DNAJB1: variants seen among roughly 807,000 people sequenced by gnomAD.
DNAJB1 encodes the protein dnaJ homolog subfamily B member 1.
In DNAJB1, 14 loss-of-function variants were observed where a neutral mutation model predicts 24.0. That is an observed-to-expected ratio of 0.58 (90% CI 0.39 to 0.91). DNAJB1 has a LOEUF of 0.91. DNAJB1 is among the 40% of genes least tolerant of loss of function. The pLI is 0.00. For synonymous variants in DNAJB1, 262 were observed against 174.4 expected (o/e 1.50, Z -3.96); for missense variants, 517 against 458.1 (o/e 1.13, Z -1.17).
At chr19:14,540,791 G>C (rs982003013) in intron 1 of DNAJB1, among the ~76,000 whole-genome samples, 2 of 152,174 alleles carry the variant, frequency 1.3e-5, no homozygotes, top group Non-Finnish European at 2.9e-5. Context: ...GGCCTCCCAA[G>C]TAGCTGGGAC....
chr19:14,539,967 C>T (rs1348993509), intron 1 of DNAJB1, among the ~76,000 whole-genome samples: 1 of 151,966 alleles, frequency 6.6e-6, no homozygotes, highest in Non-Finnish European at 1.5e-5. Context: ...GCAACCTCCA[C>T]CTCCCGGGTT....
At chr19:14,531,139 A>T (rs1266248648), upstream of DNAJB1, 2 of 151,874 alleles carry the variant, frequency 1.3e-5, no homozygotes, top group East Asian at 3.9e-4. Context: ...GGTTTAAGCG[A>T]TTCTCCTGCC....
chr19:14,529,791 T>C, upstream of DNAJB1: 1 of 1,596,962 alleles, frequency 6.3e-7, no homozygotes, highest in Non-Finnish European at 8.6e-7. Flanking sequence ...GGGACCCCAC[T>C]TTCTGGTCCT....
Position 14,515,885 on chromosome 19 carries a change from A to G in DNAJB1, c.*55T>C, listed in dbSNP as rs1453122587. The G allele has an allele frequency of 4.5e-6, 7 of 1,561,134 alleles. No individual in the cohort carries two copies. In the Middle Eastern group the frequency reaches 1.1e-3, roughly 256 times the overall value. The stretch of plus-strand genomic sequence containing the variant: ...TGGTCCACAACTGGTAGAAAGGTCC[A>G]GAAATCCTTGAGCTCTGGAAAGGTC... On this transcript the variant is annotated 3_prime_UTR_variant, in exon 3 of 3. Coordinates refer to ENST00000254322, the MANE Select transcript of DNAJB1 (RefSeq NM_006145.3).
chr19:14,554,394 GCCCGGGTCTGC>G (rs1166046157), upstream of DNAJB1, among the ~76,000 whole-genome samples: 5 of 152,292 alleles, frequency 3.3e-5, no homozygotes, highest in East Asian at 7.7e-4. Context: ...TCCCGCTCTG[GCCCGGGTCTGC>G]CCCTCTTCTG....
intron 1 of DNAJB1, among the ~76,000 whole-genome samples, chr19:14,545,430 C>G (rs2073271645): frequency 6.6e-6 from 1 of 152,230 alleles, no homozygotes; most frequent in Non-Finnish European, 1.5e-5. Context: ...CTCCTCTCCA[C>G]AGCTCCTGGT....
In DNAJB1 at chr19:14,514,797, T is replaced by C. The variant is rs1168357482; in HGVS notation, c.*1143A>G. On this transcript the variant is annotated 3_prime_UTR_variant, in exon 3 of 3. Transcript: ENST00000254322. Reference sequence around the variant, plus strand: ...GGTTTAGCATCAGTCTTTAATGCTGTCGCACTTCATTGACTAGTCACACAC... The same window carrying C: ...GGTTTAGCATCAGTCTTTAATGCTGCCGCACTTCATTGACTAGTCACACAC... The C allele has an allele frequency of 6.5e-6, 1 of 152,708 alleles. No individual in the cohort carries two copies. The highest frequency in any genetic ancestry group is 1.5e-5 in the Non-Finnish European group (1 of 68,058). The allele number at this position is 152,708 out of a possible 1,614,324, so 9.5% of individuals were successfully genotyped here. A position where few individuals can be genotyped will look rare whatever the true frequency, so the allele number is the denominator to read the frequency against.
chr19:14,528,966 A>T (rs759240993), intron 1 of DNAJB1, among the ~76,000 whole-genome samples: 2 of 152,142 alleles, frequency 1.3e-5, no homozygotes, highest in Non-Finnish European at 2.9e-5. Flanking sequence ...AGAAAAACAA[A>T]GTGGGGCGGG....
At chr19:14,553,530 G>A (rs773365860), upstream of DNAJB1, among the ~76,000 whole-genome samples, 14 of 152,156 alleles carry the variant, frequency 9.2e-5, no homozygotes, top group Non-Finnish European at 2.1e-4. Context: ...ATTTCTGGCC[G>A]AGCAGGTGTG....
chr19:14,518,353 C>A lies in DNAJB1; in HGVS notation c.-4G>T, dbSNP rs760608773. The A allele has an allele frequency of 2.1e-5, 32 of 1,556,364 alleles. 1 individual carries two copies. The highest frequency in any genetic ancestry group is 2.8e-5 in the African/African-American group (2 of 72,470). Reference sequence around the variant, plus strand: ...TCTGGTAGTAGTCTTTACCCATGACCCCCTCCTGCGGCCCGCCGACCCGCT... The same window carrying A: ...TCTGGTAGTAGTCTTTACCCATGACACCCTCCTGCGGCCCGCCGACCCGCT... On this transcript the variant is annotated 5_prime_UTR_variant, in exon 1 of 3. Coordinates refer to ENST00000254322, the MANE Select transcript of DNAJB1 (RefSeq NM_006145.3).
At chr19:14,519,438 T>C (rs945676718), upstream of DNAJB1, among the ~76,000 whole-genome samples, 3 of 152,162 alleles carry the variant, frequency 2.0e-5, no homozygotes, top group Admixed American at 6.6e-5. Context: ...CTCCCAACCG[T>C]GGGGAGAAGG....
intron 2 of DNAJB1, among the ~76,000 whole-genome samples, chr19:14,524,837 C>A (rs2072400594): frequency 2.6e-5 from 1 of 37,740 alleles, no homozygotes; most frequent in South Asian, 1.3e-3. Context: ...CAGAGCGAGA[C>A]TCGTTCTCAA....
rs2073124658 is a variant in DNAJB1 at position 14,542,347 on chromosome 19, G to GGTTTTTTTT, written c.-214+7860_-214+7861insAAAAAAAAC. On this transcript the variant is annotated intron_variant, in intron 1 of 3. Transcript: ENST00000676982. The stretch of plus-strand genomic sequence containing the variant: ...CCTCAGGGGGCCCTCATGCCATAGT[G>GGTTTTTTTT]TTTTTTTTTTTTTTTTTTTTTTTTT... Among the ~76,000 whole-genome samples the GGTTTTTTTT allele has an allele frequency of 8.3e-3, 360 of 43,318 alleles. 5 individuals are homozygous for GGTTTTTTTT. Among genetic ancestry groups the GGTTTTTTTT allele is most frequent in the African/African-American group, 0.026 (321 of 12,342 alleles). The allele number at this position is 43,318 out of a possible 152,430, so 28.4% of individuals were successfully genotyped here. A position where few individuals can be genotyped will look rare whatever the true frequency, so the allele number is the denominator to read the frequency against.
chr19:14,532,980 C>T (rs2057308162), upstream of DNAJB1, among the ~76,000 whole-genome samples: 1 of 151,692 alleles, frequency 6.6e-6, no homozygotes, highest in Non-Finnish European at 1.5e-5. Flanking sequence ...TATGGTGGCA[C>T]GTGCTTGTAG....
At chr19:14,551,222 A>G (rs1313796879), upstream of DNAJB1, among the ~76,000 whole-genome samples, 1 of 151,554 alleles carries the variant, frequency 6.6e-6, no homozygotes, top group African/African-American at 2.4e-5. Flanking sequence ...ACAGGCACCC[A>G]CCACCACACC....
upstream of DNAJB1, among the ~76,000 whole-genome samples, chr19:14,533,211 A>C (rs1422081055): frequency 6.6e-6 from 1 of 152,154 alleles, no homozygotes; most frequent in East Asian, 1.9e-4. Flanking sequence ...ATGTGAGGTC[A>C]GGAGTTTGAG....
At chr19:14,529,636 T>C, upstream of DNAJB1, 1 of 1,613,206 alleles carries the variant, frequency 6.2e-7, no homozygotes, top group South Asian at 1.1e-5. Flanking sequence ...AGGGAGCCTG[T>C]GCTGTGCCGC....
chr19:14,548,337 C>G (rs148674874), intron 1 of DNAJB1, among the ~76,000 whole-genome samples: 7 of 152,258 alleles, frequency 4.6e-5, no homozygotes, highest in African/African-American at 9.6e-5. Flanking sequence ...TTCCCCACCC[C>G]CTTGGTGGCA....
intron 1 of DNAJB1, among the ~76,000 whole-genome samples, chr19:14,547,126 T>C (rs2073335135): frequency 6.6e-6 from 1 of 152,142 alleles, no homozygotes; most frequent in African/African-American, 2.4e-5. Flanking sequence ...AGAGAGCCAA[T>C]GTTAAAGAGC....
Sources: gnomAD v4.1 joint callset for allele counts (sites outside exome capture counted in the v4.1 genomes callset) on GRCh38, gnomAD v4.1.1 for gene constraint, MANE v1.5 for transcripts, NCBI Gene and HGNC (gene_info 2026-07-23, HGNC 2026-07-21) for gene names.